Variants in UBE2L5 observed in about 807,000 individuals in gnomAD.
The protein encoded by UBE2L5 is ubiquitin conjugating enzyme E2 L5, also known as ubiquitin-conjugating enzyme E2 L5.
Under a neutral mutation model 10.0 loss-of-function variants are expected in UBE2L5, and 3 were observed. The ratio of observed to expected loss-of-function variants is 0.30; its 90% CI spans 0.14 to 0.78. UBE2L5 has a LOEUF of 0.78. UBE2L5 is among the 30% of genes least tolerant of loss of function. The pLI is 0.65. For missense variants in UBE2L5, 131 were observed against 193.3 expected, an observed-to-expected ratio of 0.68 and a Z score of 1.91; for synonymous variants, 60 against 71.9, an observed-to-expected ratio of 0.83 and a Z score of 0.83.
chr13:30,423,644 G>A (rs1374774916), intron 1 of UBE2L5, among the ~76,000 whole-genome samples: 1 of 152,178 alleles, frequency 6.6e-6, no homozygotes, highest in African/African-American at 2.4e-5. Flanking sequence ...ATTTAAAATT[G>A]GCCAGTGCTC....
At position 30,428,130 on chromosome 13, in the gene UBE2L5, A is replaced by G. The variant is rs1420398298; in HGVS notation, c.140A>G (p.Asn47Ser). Residue 47 changes from asparagine (N) to serine (S), a missense_variant, in exon 4 of 4, where the codon AAT (asparagine) becomes AGT (serine). Asn to Ser is a conservative substitution (Grantham distance 46). Coordinates refer to ENST00000635918, the MANE Select transcript of UBE2L5 (RefSeq NM_001355247.2). Reference sequence around the variant, plus strand: ...ATTGTTCCTGACAACCCTCCGTATAATAAGGGGGCCTTCAGAATCGAAATC... The same window carrying G: ...ATTGTTCCTGACAACCCTCCGTATAGTAAGGGGGCCTTCAGAATCGAAATC... ...GLIVPDNPPY[N>S]KGAFRIEINF... is the part of the protein sequence containing the mutation. The G allele has an allele frequency of 5.0e-6, 8 of 1,608,326 alleles. No homozygotes were observed. The highest frequency in any genetic ancestry group is 1.1e-5 in the South Asian group (1 of 90,980).
intron 2 of UBE2L5, among the ~76,000 whole-genome samples, chr13:30,425,244 GA>G (rs1375360255): frequency 1.8e-4 from 28 of 152,216 alleles, no homozygotes; most frequent in Admixed American, 1.8e-3. Flanking sequence ...AGAGAACAAA[GA>G]AATAGGCCCT....
At position 30,428,551 on chromosome 13, in the gene UBE2L5, G is replaced by T. The variant is rs1339199835; in HGVS notation, c.*96G>T. 3 of 1,414,128 alleles carry T rather than the reference G, an allele frequency of 2.1e-6. No individual in the cohort carries two copies. Among genetic ancestry groups the T allele is most frequent in the Middle Eastern group, 2.5e-4 (1 of 3,980 alleles). The allele number at this position is 1,414,128 out of a possible 1,614,324, so 87.6% of individuals were successfully genotyped here. On this transcript the variant is annotated 3_prime_UTR_variant, in exon 4 of 4. Coordinates refer to ENST00000635918, the MANE Select transcript of UBE2L5 (RefSeq NM_001355247.2). ...CAGGACTCTGTGGAAATTGATACGT[G>T]CCACCGTCTGGCGTTCGCTTGCAGC...
At chr13:30,425,064 T>A (rs1885518445) in intron 2 of UBE2L5, among the ~76,000 whole-genome samples, 163 bp downstream of exon 2, 1 of 152,234 alleles carries the variant, frequency 6.6e-6, no homozygotes, top group Admixed American at 6.5e-5. Flanking sequence ...AGTTCTTGGA[T>A]ACCTGCGTTA....
At position 30,425,613 on chromosome 13, in the gene UBE2L5, C is replaced by T. The variant is rs76766549; in HGVS notation, c.-685+712C>T. On this transcript the variant is annotated intron_variant, in intron 2 of 3. Coordinates refer to ENST00000635918, the MANE Select transcript of UBE2L5 (RefSeq NM_001355247.2). ...GAGTCTTGGATAATAGTTACTTTTGCATTACATGCAGACACTTACCATAGT... is the reference window on the plus strand; with the variant it reads ...GAGTCTTGGATAATAGTTACTTTTGTATTACATGCAGACACTTACCATAGT... Among the ~76,000 whole-genome samples the T allele has an allele frequency of 1.5e-3, 227 of 152,364 alleles. 7 individuals carry two copies. The East Asian group carries it at 0.042, about 28-fold the overall frequency.
chr13:30,426,623 T>G (rs764188483), intron 2 of UBE2L5, 102 bp from the exon 3 acceptor site: 25 of 152,254 alleles, frequency 1.6e-4, no homozygotes, highest in Non-Finnish European at 3.5e-4. Context: ...CTAGTCCTGG[T>G]CTACACAGCC....
rs1885564594 is a variant in UBE2L5, at chr13:30,428,017, G to A, written c.27G>A (p.Lys9=). The part of the protein sequence containing the change: MAASRRLM[K]ELEEIRKCGM... ...TGGCGGCCAGCAGGAGGCTGATGAA[G>A]GAGCTTGAAGAAATCCGCAAATGTG... Residue 9 remains lysine, a synonymous_variant, in exon 4 of 4, where the codon AAG becomes AAA. Coordinates refer to ENST00000635918, the MANE Select transcript of UBE2L5 (RefSeq NM_001355247.2). 4.4e-6 allele frequency: 7 copies of A among 1,600,528 alleles called. No individual in the cohort carries two copies. The highest frequency in any genetic ancestry group is 2.2e-5 in the East Asian group (1 of 44,782).
Position 30,428,658 on chromosome 13 carries a change from T to TA in UBE2L5, c.*203_*204insA. On this transcript the variant is annotated 3_prime_UTR_variant, in exon 4 of 4. Coordinates refer to ENST00000635918, the MANE Select transcript of UBE2L5 (RefSeq NM_001355247.2). ...AAAGGATTAAAAATTTAAGATGTTCTTAAAAAAAAAAAAAGTGGCCATTAA... is the reference window on the plus strand; with the variant it reads ...AAAGGATTAAAAATTTAAGATGTTCTATAAAAAAAAAAAAAGTGGCCATTAA... 2 of 541,620 alleles carry TA rather than the reference T, an allele frequency of 3.7e-6. No homozygotes were observed. Among genetic ancestry groups the TA allele is most frequent in the Non-Finnish European group, 6.2e-6 (2 of 324,760 alleles). The allele number at this position is 541,620 out of a possible 1,614,324, so 33.6% of individuals were successfully genotyped here. A position where few individuals can be genotyped will look rare whatever the true frequency, so the allele number is the denominator to read the frequency against.
At chr13:30,425,265 C>T (rs540507314) in intron 2 of UBE2L5, among the ~76,000 whole-genome samples, 57 of 152,290 alleles carry the variant, frequency 3.7e-4, no homozygotes, top group African/African-American at 1.4e-3. Flanking sequence ...TGGTTGATTC[C>T]CTGGCTGGTC....
intron 1 of UBE2L5, among the ~76,000 whole-genome samples, chr13:30,424,187 C>T (rs1055929377): frequency 6.6e-6 from 1 of 152,168 alleles, no homozygotes. Context: ...ACCTCTCCAG[C>T]TGTCTTCCCC....
intron 1 of UBE2L5, among the ~76,000 whole-genome samples, chr13:30,423,330 G>A (rs2137357220): frequency 6.6e-6 from 1 of 152,284 alleles, no homozygotes; most frequent in Admixed American, 6.5e-5. Flanking sequence ...ATAAACTAGG[G>A]CCGGGTGTGG....
chr13:30,428,442 G>C lies in UBE2L5; in HGVS notation c.452G>C (p.Arg151Pro). Residue 151 changes from arginine to proline, a missense_variant, in exon 4 of 4, where the codon CGA becomes CCA. By Grantham distance (103) the Arg-to-Pro change is moderately radical (BLOSUM62 -2). Transcript: ENST00000635918. The stretch of plus-strand genomic sequence containing the variant: ...TTTACAAAGAAATATGGGGAAAAGC[G>C]ACCTGTGGACTAAAATGTGCCACGA... Reference protein sequence around the residue: ...EEFTKKYGEKRPVD With the variant: ...EEFTKKYGEKPPVD 1 of 1,610,958 alleles carries C rather than the reference G, an allele frequency of 6.2e-7. No individual in the cohort carries two copies. Among genetic ancestry groups the C allele is most frequent in the Non-Finnish European group, 8.5e-7 (1 of 1,179,544 alleles).
intron 1 of UBE2L5, among the ~76,000 whole-genome samples, chr13:30,423,536 G>A (rs1885496135): frequency 1.3e-5 from 2 of 152,206 alleles, no homozygotes; most frequent in South Asian, 4.1e-4. Context: ...CATGAGCCTG[G>A]GAAGTGAAGG....
chr13:30,423,748 T>C (rs554799485), intron 1 of UBE2L5, among the ~76,000 whole-genome samples: 1 of 152,366 alleles, frequency 6.6e-6, no homozygotes, highest in Admixed American at 6.5e-5. Flanking sequence ...AAATTTGGCC[T>C]TCAGGCCACA....
At chr13:30,425,602 A>G (rs1369484085) in intron 2 of UBE2L5, among the ~76,000 whole-genome samples, 1 of 152,230 alleles carries the variant, frequency 6.6e-6, no homozygotes, top group East Asian at 1.9e-4. Context: ...CTTGGATAAT[A>G]GTTACTTTTG....
chr13:30,429,543 C>G lies in UBE2L5; in HGVS notation c.*1088C>G, dbSNP rs754036278. The stretch of plus-strand genomic sequence containing the variant: ...AATGACATTTTCATATTCTCCATCC[C>G]CCATCCCCCACCGCCTCTCCAGTAA... On this transcript the variant is annotated 3_prime_UTR_variant, in exon 4 of 4. Transcript: ENST00000635918. Among the ~76,000 whole-genome samples the G allele has an allele frequency of 9.2e-5, 14 of 152,142 alleles. No homozygotes were observed. Among genetic ancestry groups the G allele is most frequent in the Non-Finnish European group, 1.8e-4 (12 of 68,038 alleles).
chr13:30,425,693 G>A (rs1211710423), intron 2 of UBE2L5, among the ~76,000 whole-genome samples: 1 of 152,214 alleles, frequency 6.6e-6, no homozygotes. Flanking sequence ...GGACAAATCT[G>A]TCTTCCGAAA....
Position 30,429,315 on chromosome 13 carries a change from C to T in UBE2L5, c.*860C>T, listed in dbSNP as rs1486917012. Among the ~76,000 whole-genome samples, 2 of 151,514 alleles carry T rather than the reference C, an allele frequency of 1.3e-5. No individual in the cohort carries two copies. On this transcript the variant is annotated 3_prime_UTR_variant, in exon 4 of 4. Coordinates refer to ENST00000635918, the MANE Select transcript of UBE2L5 (RefSeq NM_001355247.2). ...CCACAAAAAAAAATTGATTGAAATACCTGGAATTCACACCATAATTGGGGT... is the reference window on the plus strand; with the variant it reads ...CCACAAAAAAAAATTGATTGAAATATCTGGAATTCACACCATAATTGGGGT...
chr13:30,428,705 C>G lies in UBE2L5; in HGVS notation c.*250C>G, dbSNP rs555916307. ...TTAATAGACGGAACTATACACTGGACTAGTTGTTGTTTTAAAAACATAAAA... is the reference window on the plus strand; with the variant it reads ...TTAATAGACGGAACTATACACTGGAGTAGTTGTTGTTTTAAAAACATAAAA... On this transcript the variant is annotated 3_prime_UTR_variant, in exon 4 of 4. Coordinates refer to ENST00000635918, the MANE Select transcript of UBE2L5 (RefSeq NM_001355247.2). 146 of 430,330 alleles carry G rather than the reference C, an allele frequency of 3.4e-4. 1 individual carries two copies. The highest frequency in any genetic ancestry group is 2.8e-3 in the African/African-American group (134 of 48,166). The allele number at this position is 430,330 out of a possible 1,614,324, so 26.7% of individuals were successfully genotyped here. A position where few individuals can be genotyped will look rare whatever the true frequency, so the allele number is the denominator to read the frequency against.
Sources: gnomAD v4.1 joint callset for allele counts (sites outside exome capture counted in the v4.1 genomes callset) on GRCh38, gnomAD v4.1.1 for gene constraint, MANE v1.5 for transcripts, NCBI Gene and HGNC (gene_info 2026-07-23, HGNC 2026-07-21) for gene names.